Variants in CEP70 observed in about 807,000 individuals in gnomAD.
CEP70 encodes the protein centrosomal protein of 70 kDa.
A neutral mutation model predicts 90.9 loss-of-function variants in CEP70; 70 were observed. The ratio of observed to expected loss-of-function variants is 0.77; its 90% CI spans 0.64 to 0.94. CEP70 has a LOEUF of 0.94. Ranked by LOEUF, CEP70 falls within the 40% of genes least tolerant of loss-of-function variation. The pLI is 0.00. For synonymous variants in CEP70, 220 were observed against 228.3 expected, an observed-to-expected ratio of 0.96 and a Z score of 0.33; for missense variants, 648 against 669.0, an observed-to-expected ratio of 0.97 and a Z score of 0.35.
At chr3:138,584,308 T>G (rs2042003430) in intron 2 of CEP70, among the ~76,000 whole-genome samples, 1 of 151,912 alleles carries the variant, frequency 6.6e-6, no homozygotes, top group African/African-American at 2.4e-5. Context: ...AGCCTCGGAC[T>G]CCATGGCTTC....
In CEP70 at chr3:138,542,973, C is replaced by T. The variant is rs182653254; in HGVS notation, c.466-5626G>A. Among the ~76,000 whole-genome samples, 17 of 152,228 alleles carry T rather than the reference C, an allele frequency of 1.1e-4. No homozygotes were observed. In the South Asian group the frequency reaches 2.5e-3, roughly 22 times the overall value. Reference sequence around the variant, plus strand: ...AGTCTAGCTGAGCCTTGGGTTTTTACGGGCTCAGAAGGGAGGAAGTATGTG... The same window carrying T: ...AGTCTAGCTGAGCCTTGGGTTTTTATGGGCTCAGAAGGGAGGAAGTATGTG... On this transcript the variant is annotated intron_variant, in intron 6 of 17. Transcript: ENST00000264982.
intron 6 of CEP70, among the ~76,000 whole-genome samples, chr3:138,561,378 C>A (rs887224449): frequency 3.3e-5 from 5 of 152,004 alleles, no homozygotes; most frequent in Admixed American, 1.3e-4. Context: ...CTCAGAGACC[C>A]CATCATAAGG....
rs1378438322 is a variant in CEP70, at chr3:138,500,166, A to C, written c.1596T>G (p.Ile532Met). 6.2e-7 allele frequency: 1 copy of C among 1,613,916 alleles called. No individual in the cohort carries two copies. Among genetic ancestry groups the C allele is most frequent in the East Asian group, 2.2e-5 (1 of 44,872 alleles). ...TAACCTGCTCATTCACATCTTCATT[A>C]ATCAGCCTACAGAGTTTTCCAACAG... is the stretch of plus-strand genomic sequence containing the variant. ...VSTVGKLCRL[I>M]NEDVNEQVMQ... Residue 532 changes from isoleucine to methionine, a missense_variant, in exon 16 of 18, where the codon ATT (isoleucine) becomes ATG (methionine). By Grantham distance (10) the Ile-to-Met change is conservative (BLOSUM62 1). Coordinates refer to ENST00000264982, the MANE Select transcript of CEP70 (RefSeq NM_024491.4).
chr3:138,579,354 GC>G (rs2041726619), intron 2 of CEP70, among the ~76,000 whole-genome samples: 1 of 152,068 alleles, frequency 6.6e-6, no homozygotes, highest in East Asian at 1.9e-4. Context: ...CTCTTGAGGG[GC>G]ATGTGACCTA....
At chr3:138,545,626 C>T (rs974063885) in intron 6 of CEP70, among the ~76,000 whole-genome samples, 10 of 152,116 alleles carry the variant, frequency 6.6e-5, no homozygotes, top group South Asian at 2.1e-4. Flanking sequence ...TTTCTTCTTT[C>T]GGAGAGCCTA....
In CEP70 at chr3:138,500,132, A is replaced by AT; in HGVS notation, c.1629dup (p.Leu544IlefsTer4). 1 of 1,612,344 alleles carries AT rather than the reference A, an allele frequency of 6.2e-7. No homozygotes were observed. The highest frequency in any genetic ancestry group is 8.5e-7 in the Non-Finnish European group (1 of 1,178,406). On this transcript the variant is annotated frameshift_variant, in exon 16 of 18. Transcript: ENST00000264982. LOFTEE classifies it high-confidence loss of function. ...TACCTCTGGAGGTCTTCAGGTCCTAATACCTGCATAACCTGCTCATTCACA... is the reference window on the plus strand; with the variant it reads ...TACCTCTGGAGGTCTTCAGGTCCTAATTACCTGCATAACCTGCTCATTCACA...
chr3:138,544,267 T>A, intron 6 of CEP70, among the ~76,000 whole-genome samples: 1 of 144,468 alleles, frequency 6.9e-6, no homozygotes, highest in African/African-American at 2.6e-5. Flanking sequence ...AAGAAGAAAA[T>A]CACTTGACCA....
chr3:138,567,486 T>C (rs2040872659), intron 6 of CEP70, among the ~76,000 whole-genome samples: 1 of 152,226 alleles, frequency 6.6e-6, no homozygotes, highest in African/African-American at 2.4e-5. Context: ...AGAAAAGCTC[T>C]CTTCCCTTCC....
At chr3:138,519,776 A>G (rs1033538466) in intron 11 of CEP70, among the ~76,000 whole-genome samples, 5 of 152,204 alleles carry the variant, frequency 3.3e-5, no homozygotes, top group Non-Finnish European at 5.9e-5. Flanking sequence ...TGCATCAACT[A>G]ACGAGCAAAA....
chr3:138,588,901 T>TA (rs2042239915), intron 2 of CEP70, among the ~76,000 whole-genome samples: 1 of 151,986 alleles, frequency 6.6e-6, no homozygotes, highest in Admixed American at 6.6e-5. Context: ...CCCTCAGCAA[T>TA]AAAAAAGAAT....
chr3:138,508,390 G>A (rs760260622), intron 12 of CEP70, 49 bp downstream of exon 12: 8 of 1,190,264 alleles, frequency 6.7e-6, no homozygotes, highest in Non-Finnish European at 1.0e-5. Context: ...TGATAACCAA[G>A]ATTCATGACA....
chr3:138,573,416 CAT>C (rs567776233), intron 2 of CEP70, among the ~76,000 whole-genome samples: 93 of 151,378 alleles, frequency 6.1e-4, no homozygotes, highest in Non-Finnish European at 1.1e-3. Context: ...AAAAGTCAGT[CAT>C]ACCTAGACAC....
chr3:138,522,218 C>T (rs892487295), intron 11 of CEP70, among the ~76,000 whole-genome samples: 4 of 151,526 alleles, frequency 2.6e-5, no homozygotes, highest in African/African-American at 9.7e-5. Context: ...ACCTTCTCTC[C>T]ACTATTGTCC....
intron 13 of CEP70, among the ~76,000 whole-genome samples, chr3:138,502,307 G>C (rs570605379): frequency 6.6e-6 from 1 of 152,196 alleles, no homozygotes; most frequent in South Asian, 2.1e-4. Flanking sequence ...CATGCAGCTA[G>C]AGGCTACCAT....
At chr3:138,554,900 G>C (rs1194138123) in intron 6 of CEP70, among the ~76,000 whole-genome samples, 1 of 152,118 alleles carries the variant, frequency 6.6e-6, no homozygotes, top group Non-Finnish European at 1.5e-5. Context: ...ATGGTGCTGG[G>C]ATAATTGGCA....
rs2034893881 is a variant in CEP70, at chr3:138,505,394, C to G, written c.1122G>C (p.Gly374=). ...APVIIYKQTK[G]GVQNFNKDLV... is the part of the protein sequence containing the mutation. ...GATCTTTATTAAAATTTTGGACTCCCCCTTTGGTCTGTTTATAAATTATTA... is the reference window on the plus strand; with the variant it reads ...GATCTTTATTAAAATTTTGGACTCCGCCTTTGGTCTGTTTATAAATTATTA... The change falls in exon 13 of 18, where the codon GGG becomes GGC. Residue 374 remains glycine (G), a synonymous_variant. Transcript: ENST00000264982. The G allele has an allele frequency of 5.0e-6, 8 of 1,611,816 alleles. No homozygotes were observed. The highest frequency in any genetic ancestry group is 6.8e-6 in the Non-Finnish European group (8 of 1,179,110).
chr3:138,496,964 C>T (rs1446990944), intron 17 of CEP70: 1 of 989,754 alleles, frequency 1.0e-6, no homozygotes, highest in African/African-American at 1.7e-5. Flanking sequence ...ATGAGAACAT[C>T]ACTGCTTAAG....
intron 11 of CEP70, among the ~76,000 whole-genome samples, chr3:138,518,177 C>A (rs763692158): frequency 2.0e-5 from 3 of 152,160 alleles, no homozygotes; most frequent in Admixed American, 6.5e-5. Flanking sequence ...GTAAACAAAG[C>A]GGCCAGGAAG....
intron 6 of CEP70, among the ~76,000 whole-genome samples, chr3:138,566,525 C>G (rs1268527519): frequency 6.6e-6 from 1 of 151,386 alleles, no homozygotes; most frequent in Non-Finnish European, 1.5e-5. Flanking sequence ...TCCTTTGAAT[C>G]TGGAAACCAT....
Sources: gnomAD v4.1 joint callset for allele counts (sites outside exome capture counted in the v4.1 genomes callset) on GRCh38, gnomAD v4.1.1 for gene constraint, MANE v1.5 for transcripts, NCBI Gene and HGNC (gene_info 2026-07-23, HGNC 2026-07-21) for gene names.